Variants in CP observed in about 807,000 individuals in gnomAD.
CP encodes the protein caeruloplasmin.
CP carries 64 observed loss-of-function variants against 122.4 expected under a neutral mutation model. The ratio of observed to expected loss-of-function variants is 0.52; its 90% CI spans 0.43 to 0.64. The LOEUF is 0.64. CP is among the 30% of genes least tolerant of loss of function. The pLI is 0.00. For synonymous variants in CP, 440 were observed against 436.4 expected (o/e 1.01, Z -0.10); for missense variants, 1,167 against 1,284.4 (o/e 0.91, Z 1.40).
rs1350731652 is a variant in CP at position 149,221,637 on chromosome 3, A to G, written c.146+10T>C. The stretch of plus-strand genomic sequence containing the variant: ...ATTTTGGTCTATAAACAATAAAAAT[A>G]GTGACTTACGTGTCAACAGAAATAA... On this transcript the variant is annotated intron_variant, in intron 1 of 18. Coordinates refer to ENST00000264613, the MANE Select transcript of CP (RefSeq NM_000096.4). 6.2e-7 allele frequency: 1 copy of G among 1,609,836 alleles called. No homozygotes were observed. The highest frequency in any genetic ancestry group is 8.5e-7 in the Non-Finnish European group (1 of 1,178,442).
intron 18 of CP, among the ~76,000 whole-genome samples, chr3:149,174,409 C>T (rs528648532): frequency 3.9e-5 from 6 of 152,122 alleles, no homozygotes; most frequent in East Asian, 3.9e-4. Context: ...TATCTATACA[C>T]GTCTGTGTGT....
chr3:149,202,113 A>G lies in CP; in HGVS notation c.1337T>C (p.Leu446Pro), dbSNP rs1727368255. The G allele has an allele frequency of 6.2e-7, 1 of 1,614,114 alleles. No homozygotes were observed. The highest frequency in any genetic ancestry group is 8.5e-7 in the Non-Finnish European group (1 of 1,179,990). Residue 446 changes from leucine (L) to proline (P), a missense_variant, in exon 7 of 19, where the codon CTT becomes CCT. By Grantham distance (98) the Leu-to-Pro change is moderately conservative (BLOSUM62 -3). Around this residue, in one of 2 missense-constraint regions of CP, gnomAD observed 642 missense variants for 627.3 expected, o/e 1.02. Transcript: ENST00000264613. ...CTGCAAGAACTCACCCAGGATGCCA[A>G]GATGCTCTTCTTCAGGGCCTCTCTC... ...RKERGPEEEH[L>P]GILGPVIWAE...
intron 5 of CP, 112 bp from the exon 6 acceptor site, chr3:149,206,451 T>G (rs1727734791): frequency 1.2e-5 from 15 of 1,214,782 alleles, no homozygotes; most frequent in Non-Finnish European, 1.6e-5. Flanking sequence ...AATAGACAGA[T>G]AGCAACAGTA....
chr3:149,183,320 C>T, intron 13 of CP, 146 bp downstream of exon 13: 1 of 708,482 alleles, frequency 1.4e-6, no homozygotes, highest in South Asian at 1.8e-5. Context: ...AGTCTTATTT[C>T]ATTAGATAAC....
At chr3:149,181,300 G>A (rs565878489) in intron 14 of CP, among the ~76,000 whole-genome samples, 1 of 152,140 alleles carries the variant, frequency 6.6e-6, no homozygotes, top group East Asian at 1.9e-4. Context: ...TGTCTTCGGG[G>A]CCTAGAATCA....
chr3:149,180,311 C>T (rs1725695130), intron 14 of CP, among the ~76,000 whole-genome samples: 2 of 152,208 alleles, frequency 1.3e-5, no homozygotes, highest in South Asian at 2.1e-4. Flanking sequence ...GACATAACCA[C>T]ACCCTCGGCC....
intron 9 of CP, among the ~76,000 whole-genome samples, chr3:149,193,586 A>T (rs906645987): frequency 1.3e-5 from 2 of 152,172 alleles, no homozygotes; most frequent in African/African-American, 4.8e-5. Flanking sequence ...TTCATGAAAT[A>T]TTTTCATATT....
rs201677287 is a variant in CP at position 149,183,618 on chromosome 3, AAC to A, written c.2286-15_2286-14del. 2,768 of 1,489,286 alleles carry A rather than the reference AAC, an allele frequency of 1.9e-3. 3 individuals are homozygous for A. Among genetic ancestry groups the A allele is most frequent in the African/African-American group, 2.3e-3 (141 of 61,994 alleles). The allele number at this position is 1,489,286 out of a possible 1,614,324, so 92.3% of individuals were successfully genotyped here. On this transcript the variant is annotated splice_polypyrimidine_tract_variant and intron_variant, in intron 12 of 18. Transcript: ENST00000264613. ...TGCATTTGAAACACTTAAAAAAAAA[AAC>A]AACTAAGGTTAGTATTTGTCTTAAT...
chr3:149,210,065 C>T lies in CP; in HGVS notation c.607+102G>A, dbSNP rs185229902. On this transcript the variant is annotated intron_variant, in intron 3 of 18. Coordinates refer to ENST00000264613, the MANE Select transcript of CP (RefSeq NM_000096.4). ...TCTACTTACCACCTCTCTACCTTACCTGCTCAATCTCAGCACAGAAGACTT... is the reference window on the plus strand; with the variant it reads ...TCTACTTACCACCTCTCTACCTTACTTGCTCAATCTCAGCACAGAAGACTT... 6.1e-6 allele frequency: 7 copies of T among 1,155,638 alleles called. No homozygotes were observed. The East Asian group carries it at 1.4e-4, about 24-fold the overall frequency. 71.6% of individuals were successfully genotyped at this position (1,155,638 alleles called of 1,614,324 possible).
At chr3:149,163,927 CAGA>C in intron 5 of CP, 1 of 1,537,498 alleles carries the variant, frequency 6.5e-7, no homozygotes, top group African/African-American at 1.4e-5. Flanking sequence ...AAAAATTATA[CAGA>C]AGATCTTTCA....
intron 9 of CP, among the ~76,000 whole-genome samples, chr3:149,196,563 A>G (rs1268361105): frequency 6.6e-6 from 1 of 152,214 alleles, no homozygotes; most frequent in African/African-American, 2.4e-5. Context: ...GTGTCTCGTT[A>G]TACTAGAAAG....
At chr3:149,212,158 A>G (rs1398176287) in intron 2 of CP, among the ~76,000 whole-genome samples, 1 of 151,862 alleles carries the variant, frequency 6.6e-6, no homozygotes, top group Non-Finnish European at 1.5e-5. Context: ...TAAAAATAAA[A>G]AAGTTTGCCA....
chr3:149,185,054 A>AT lies in CP; in HGVS notation c.2285+184_2285+185insA, dbSNP rs1229895619. On this transcript the variant is annotated intron_variant, in intron 12 of 18. Coordinates refer to ENST00000264613, the MANE Select transcript of CP (RefSeq NM_000096.4). Reference sequence around the variant, plus strand: ...GATAAATGGAAATTTTCCCTTAAGGAAATTGAGAGAAGCGGAAATGAATAA... The same window carrying AT: ...GATAAATGGAAATTTTCCCTTAAGGATAATTGAGAGAAGCGGAAATGAATAA... 1.4e-5 allele frequency: 9 copies of AT among 626,480 alleles called. No homozygotes were observed. In the African/African-American group the frequency reaches 1.6e-4, roughly 11 times the overall value. The allele number at this position is 626,480 out of a possible 1,614,324, so 38.8% of individuals were successfully genotyped here.
chr3:149,180,467 A>G (rs1725705544), intron 14 of CP, among the ~76,000 whole-genome samples: 1 of 152,070 alleles, frequency 6.6e-6, no homozygotes, highest in Admixed American at 6.6e-5. Flanking sequence ...ACAGGCCTCA[A>G]CTTTTGGCCA....
intron 9 of CP, among the ~76,000 whole-genome samples, chr3:149,197,422 A>C (rs1192814070): frequency 6.6e-6 from 1 of 152,176 alleles, no homozygotes; most frequent in Non-Finnish European, 1.5e-5. Flanking sequence ...GGAAACCATC[A>C]TCAGTAGCTG....
chr3:149,173,155 C>G lies in CP; in HGVS notation c.*559G>C, dbSNP rs1367739174. On this transcript the variant is annotated 3_prime_UTR_variant, in exon 19 of 19. Coordinates refer to ENST00000264613, the MANE Select transcript of CP (RefSeq NM_000096.4). The stretch of plus-strand genomic sequence containing the variant: ...CAGGATTTAATCTATAGAATTGTCT[C>G]TCAACTCTGCTTTTCTCCAGTTCCA... 2 of 152,258 alleles carry G rather than the reference C, an allele frequency of 1.3e-5. No homozygotes were observed. The highest frequency in any genetic ancestry group is 2.9e-5 in the Non-Finnish European group (2 of 68,064). The allele number at this position is 152,258 out of a possible 1,614,324, so 9.4% of individuals were successfully genotyped here.
chr3:149,188,045 TA>T lies in CP; in HGVS notation c.1864+6del. On this transcript the variant is annotated splice_donor_region_variant and intron_variant, in intron 10 of 18. Transcript: ENST00000264613. ...CTTGGTAGATTGGTGGATGATGCAG[TA>T]CTTACAGTGCATTTTATTAGATTCC... 1 of 1,611,580 alleles carries T rather than the reference TA, an allele frequency of 6.2e-7. No individual in the cohort carries two copies. The highest frequency in any genetic ancestry group is 1.1e-5 in the South Asian group (1 of 90,984).
At chr3:149,164,077 A>G in intron 5 of CP, 1 of 607,180 alleles carries the variant, frequency 1.6e-6, no homozygotes. Context: ...ATCCATAGTT[A>G]GGCATACTCA....
chr3:149,212,683 G>A lies in CP; in HGVS notation c.162C>T (p.Ile54=). The A allele has an allele frequency of 1.2e-6, 2 of 1,613,656 alleles. No homozygotes were observed. The highest frequency in any genetic ancestry group is 2.2e-5 in the East Asian group (1 of 44,840). ...LISVDTEHSN[I]YLQNGPDRIG... The stretch of plus-strand genomic sequence containing the variant: ...TTCTATCTGGGCCATTTTGAAGATA[G>A]ATATTGGAATGTTCCCTGCAAAGAA... The change falls in exon 2 of 19, where the codon ATC becomes ATT. Residue 54 remains isoleucine, a synonymous_variant. Transcript: ENST00000264613.
Sources: gnomAD v4.1 joint callset for allele counts (sites outside exome capture counted in the v4.1 genomes callset) on GRCh38, gnomAD v4.1.1 for gene constraint, gnomAD v4.1.1 regional missense constraint, MANE v1.5 for transcripts, NCBI Gene and HGNC (gene_info 2026-07-23, HGNC 2026-07-21) for gene names.